Variants in GRIK4 observed in about 807,000 individuals in gnomAD.
GRIK4 encodes the protein glutamate ionotropic receptor kainate type subunit 4.
Under a neutral mutation model 104.9 loss-of-function variants are expected in GRIK4, and 40 were observed. The observed-to-expected ratio is 0.38, with a 90% CI of 0.30 to 0.50. GRIK4 has a LOEUF of 0.50. GRIK4 is among the 20% of genes least tolerant of loss of function. GRIK4 has a pLI of 0.93. For missense variants in GRIK4, 1,047 were observed against 1,308.1 expected, an observed-to-expected ratio of 0.80 and a Z score of 3.08; for synonymous variants, 485 against 524.9, an observed-to-expected ratio of 0.92 and a Z score of 1.04.
rs1215669955 is a variant in GRIK4 at position 120,967,216 on chromosome 11, TTGATC to T, written c.2291_2295del (p.Asp764GlyfsTer33). 6.2e-7 allele frequency: 1 copy of T among 1,613,720 alleles called. No homozygotes were observed. The highest frequency in any genetic ancestry group is 2.2e-5 in the East Asian group (1 of 44,816). On this transcript the variant is annotated frameshift_variant, in exon 19 of 21. Coordinates refer to ENST00000527524, the MANE Select transcript of GRIK4 (RefSeq NM_014619.5). LOFTEE classifies it high-confidence loss of function. This position sits in a 1 kb window ranked among gnomAD's most constrained non-coding sequence, Gnocchi z 4.2. ...GCAGGCTCGGTTTTCCGGGACGAGT[TTGATC>T]TGGCCATTCTCCAGCTGCAGGAGAA...
intron 7 of GRIK4, among the ~76,000 whole-genome samples, chr11:120,833,231 G>A (rs187235417): frequency 7.9e-5 from 12 of 152,240 alleles, no homozygotes; most frequent in Admixed American, 6.5e-4. Context: ...GTCTGTCTGT[G>A]TGCGTATACC....
intron 3 of GRIK4, among the ~76,000 whole-genome samples, chr11:120,734,503 A>G (rs1353224855): frequency 4.6e-5 from 7 of 152,102 alleles, no homozygotes; most frequent in Admixed American, 4.6e-4. Context: ...TTTGATTACT[A>G]AATGTCTTGA....
chr11:120,519,087 G>A (rs944131266), intron 1 of GRIK4, among the ~76,000 whole-genome samples: 1 of 152,242 alleles, frequency 6.6e-6, no homozygotes, highest in African/African-American at 2.4e-5. Flanking sequence ...CATGGGCTCT[G>A]TGGGGGCACG....
intron 3 of GRIK4, among the ~76,000 whole-genome samples, chr11:120,675,746 T>C (rs1216076150): frequency 6.6e-6 from 1 of 151,360 alleles, no homozygotes; most frequent in Non-Finnish European, 1.5e-5. Context: ...ATAATAATAC[T>C]CACCTTATAG....
At chr11:120,927,914 A>C (rs551449452) in intron 13 of GRIK4, among the ~76,000 whole-genome samples, 26 of 152,228 alleles carry the variant, frequency 1.7e-4, no homozygotes, top group African/African-American at 6.3e-4. Context: ...ATGGCATAAA[A>C]AAATATTAAG....
Position 120,832,015 on chromosome 11 carries a change from C to A in GRIK4, c.675C>A (p.His225Gln). The change falls in exon 7 of 21, where the codon CAC (histidine) becomes CAA (glutamine). Residue 225 changes from histidine to glutamine, a missense_variant. By Grantham distance (24) the His-to-Gln change is conservative. This residue lies in a region of GRIK4 where 447 missense variants were observed against 514.9 expected (regional missense o/e 0.87). Coordinates refer to ENST00000527524, the MANE Select transcript of GRIK4 (RefSeq NM_014619.5). ...TCCACGCCAACGCCTCCATGTCCCA[C>A]ACCATCCTCCTGAAGGTGGGAGCCT... is the stretch of plus-strand genomic sequence containing the variant. ...IIIHANASMS[H>Q]TILLKAAELG... 2.5e-6 allele frequency: 4 copies of A among 1,611,876 alleles called. No individual in the cohort carries two copies. The highest frequency in any genetic ancestry group is 3.4e-6 in the Non-Finnish European group (4 of 1,178,680).
At chr11:120,931,858 C>T (rs1943488040) in intron 13 of GRIK4, among the ~76,000 whole-genome samples, 1 of 152,210 alleles carries the variant, frequency 6.6e-6, no homozygotes, top group African/African-American at 2.4e-5. Flanking sequence ...CTGCTACCTG[C>T]CTGCCTCTCC....
chr11:120,707,957 C>G (rs533027810), intron 3 of GRIK4, among the ~76,000 whole-genome samples: 1 of 152,160 alleles, frequency 6.6e-6, no homozygotes. Flanking sequence ...GCTGACCTAA[C>G]GGAAGTCATA....
chr11:120,899,034 C>T (rs1011174692), intron 12 of GRIK4, among the ~76,000 whole-genome samples: 1 of 152,154 alleles, frequency 6.6e-6, no homozygotes, highest in Non-Finnish European at 1.5e-5. Context: ...GACCCTCCCC[C>T]ACCACATCCT....
At position 120,987,908 on chromosome 11, in the gene GRIK4, A is replaced by G. The variant is rs2134827504; in HGVS notation, c.*1648A>G. ...TTAGAAAATTCAGAGAGAAACAAACAGCCGCTACCAACCACCTCCACCTCC... is the reference window on the plus strand; with the variant it reads ...TTAGAAAATTCAGAGAGAAACAAACGGCCGCTACCAACCACCTCCACCTCC... On this transcript the variant is annotated 3_prime_UTR_variant, in exon 21 of 21. Transcript: ENST00000527524. 1 of 148,726 alleles carries G rather than the reference A, an allele frequency of 6.7e-6. No individual in the cohort carries two copies. Among genetic ancestry groups the G allele is most frequent in the Admixed American group, 6.8e-5 (1 of 14,764 alleles). The allele number at this position is 148,726 out of a possible 1,614,324, so 9.2% of individuals were successfully genotyped here.
At chr11:120,885,629 C>A (rs1337671623) in intron 11 of GRIK4, among the ~76,000 whole-genome samples, 1 of 152,162 alleles carries the variant, frequency 6.6e-6, no homozygotes, top group Non-Finnish European at 1.5e-5. Context: ...AGGTCACCTG[C>A]CCGCCTCGGC....
At chr11:120,920,734 T>C (rs1185803080) in intron 13 of GRIK4, among the ~76,000 whole-genome samples, 5 of 152,196 alleles carry the variant, frequency 3.3e-5, no homozygotes, top group African/African-American at 1.2e-4. Flanking sequence ...TAATTTTGAG[T>C]TGGAAGCCAG....
chr11:120,925,349 G>T (rs990355243), intron 13 of GRIK4, among the ~76,000 whole-genome samples: 1 of 152,162 alleles, frequency 6.6e-6, no homozygotes, highest in African/African-American at 2.4e-5. Flanking sequence ...GAAACCTGTC[G>T]CCTGGGCTTG....
At position 120,511,861 on chromosome 11, in the gene GRIK4, C is replaced by T. The variant is rs1362683709; in HGVS notation, c.-185C>T. On this transcript the variant is annotated 5_prime_UTR_variant, in exon 1 of 21. Transcript: ENST00000527524. ...GCCCGGCAGCGCCCGGCCCCCGGCT[C>T]AGCCCCCGGAGTGCGGAGCCGACCA... 14 of 345,438 alleles carry T rather than the reference C, an allele frequency of 4.1e-5. No individual in the cohort carries two copies. The highest frequency in any genetic ancestry group is 2.9e-4 in the African/African-American group (13 of 44,488). 21.4% of individuals were successfully genotyped at this position (345,438 alleles called of 1,614,324 possible). A position where few individuals can be genotyped will look rare whatever the true frequency, so the allele number is the denominator to read the frequency against.
At chr11:120,963,988 T>TTTA (rs368034762) in intron 18 of GRIK4, among the ~76,000 whole-genome samples, 80,086 of 119,836 alleles carry the variant, frequency 0.67, 22,271 homozygotes, top group Admixed American at 0.7. Context: ...TATTTATTTA[T>TTTA]TTATTTATTT....
intron 9 of GRIK4, chr11:120,871,472 G>C (rs758245207): frequency 2.6e-6 from 1 of 390,016 alleles, no homozygotes; most frequent in African/African-American, 2.1e-5. Context: ...TGGATGGAGG[G>C]ACTCGGGAGT....
intron 3 of GRIK4, among the ~76,000 whole-genome samples, chr11:120,675,731 T>C (rs2135275282): frequency 6.6e-6 from 1 of 152,186 alleles, no homozygotes; most frequent in South Asian, 2.1e-4. Context: ...TACTATGAAA[T>C]GGGGATAATA....
At chr11:120,863,917 C>T (rs925778151) in intron 9 of GRIK4, among the ~76,000 whole-genome samples, 4 of 152,122 alleles carry the variant, frequency 2.6e-5, no homozygotes, top group African/African-American at 7.2e-5. Flanking sequence ...AAGCTTTGAT[C>T]CAGGGAGTGG....
intron 3 of GRIK4, among the ~76,000 whole-genome samples, chr11:120,684,725 T>A (rs1466614010): frequency 6.6e-6 from 1 of 152,064 alleles, no homozygotes; most frequent in Non-Finnish European, 1.5e-5. Flanking sequence ...GCTTTTTTTT[T>A]TTGGAGACGG....
Sources: allele counts gnomAD v4.1 joint callset (sites outside exome capture counted in the v4.1 genomes callset), GRCh38; gene constraint gnomAD v4.1.1; regional missense constraint gnomAD v4.1.1; non-coding constraint Gnocchi (gnomAD v3.1); transcripts MANE v1.5; gene names NCBI Gene and HGNC (gene_info 2026-07-23, HGNC 2026-07-21).